PLPPR1: variants seen among roughly 807,000 people sequenced by gnomAD.
PLPPR1 encodes the protein phospholipid phosphatase-related protein type 1.
In PLPPR1, 10 loss-of-function variants were observed where a neutral mutation model predicts 33.1. That is an observed-to-expected ratio of 0.30 (90% confidence interval 0.19 to 0.51). The LOEUF is 0.51. Ranked by LOEUF, PLPPR1 falls within the 20% of genes least tolerant of loss-of-function variation. PLPPR1 has a pLI of 0.97. For missense variants in PLPPR1, 304 were observed against 408.1 expected (o/e 0.74, Z 2.20); for synonymous variants, 151 against 151.0 (o/e 1.00, Z 0.00).
intron 2 of PLPPR1, among the ~76,000 whole-genome samples, chr9:101,193,273 CCT>C (rs1037312483): frequency 7.2e-5 from 11 of 152,120 alleles, no homozygotes; most frequent in Admixed American, 4.6e-4. Context: ...TATCCCACCC[CCT>C]GTCTTTCTGT....
chr9:101,180,405 G>A (rs547508004), intron 1 of PLPPR1, among the ~76,000 whole-genome samples: 1 of 150,632 alleles, frequency 6.6e-6, no homozygotes, highest in African/African-American at 2.4e-5. Context: ...AATTTGTATG[G>A]AACCACAAAA....
chr9:101,128,139 G>C (rs907473374), intron 1 of PLPPR1, among the ~76,000 whole-genome samples: 1 of 152,106 alleles, frequency 6.6e-6, no homozygotes. Flanking sequence ...TTTTCTTGGG[G>C]AACATGGGCT....
At chr9:101,252,050 A>G (rs1296968121) in intron 2 of PLPPR1, among the ~76,000 whole-genome samples, 1 of 152,154 alleles carries the variant, frequency 6.6e-6, no homozygotes, top group Non-Finnish European at 1.5e-5. Flanking sequence ...TATTCTATAG[A>G]AAAGGTTTAA....
At chr9:101,182,849 C>T (rs1349305948) in intron 1 of PLPPR1, among the ~76,000 whole-genome samples, 1 of 151,588 alleles carries the variant, frequency 6.6e-6, no homozygotes, top group Non-Finnish European at 1.5e-5. Flanking sequence ...ATAGACACTT[C>T]ACAAAAGAAT....
chr9:101,223,165 A>AGG, intron 2 of PLPPR1, among the ~76,000 whole-genome samples: 1 of 107,974 alleles, frequency 9.3e-6, no homozygotes, highest in African/African-American at 3.8e-5. Flanking sequence ...AAAAAAAAAA[A>AGG]AAAAAAAGAA....
intron 1 of PLPPR1, among the ~76,000 whole-genome samples, chr9:101,046,840 T>G (rs1200151390): frequency 1.3e-5 from 2 of 152,216 alleles, no homozygotes; most frequent in Non-Finnish European, 2.9e-5. Flanking sequence ...TGTTATGAAT[T>G]TCATAAATCC....
chr9:101,050,495 T>G (rs553378976), intron 1 of PLPPR1, among the ~76,000 whole-genome samples: 1 of 152,322 alleles, frequency 6.6e-6, no homozygotes, highest in East Asian at 1.9e-4. Flanking sequence ...GAGGAAGATT[T>G]CCCAAATGAG....
intron 1 of PLPPR1, among the ~76,000 whole-genome samples, chr9:101,050,462 A>G (rs1830207953): frequency 6.6e-6 from 1 of 152,178 alleles, no homozygotes; most frequent in Non-Finnish European, 1.5e-5. Context: ...CTTGGGTCTT[A>G]TTTTTGATAT....
intron 1 of PLPPR1, among the ~76,000 whole-genome samples, chr9:101,180,784 T>A: frequency 6.6e-6 from 1 of 151,782 alleles, no homozygotes; most frequent in East Asian, 1.9e-4. Flanking sequence ...ACTGTAAAAC[T>A]ACAAGAAGAA....
chr9:101,292,628 C>T lies in PLPPR1; in HGVS notation c.385+6392C>T, dbSNP rs868126315. On this transcript the variant is annotated intron_variant, in intron 4 of 7. Transcript: ENST00000374874. ...CTCTGCAAGCCAGAAGAGAGTTGGG[C>T]GGGGCGGGGGGGGCCAATATTCAAC... Among the ~76,000 whole-genome samples the T allele has an allele frequency of 1.1e-3, 48 of 44,610 alleles. 1 individual carries two copies. The highest frequency in any genetic ancestry group is 3.4e-3 in the African/African-American group (39 of 11,506). 29.3% of individuals were successfully genotyped at this position (44,610 alleles called of 152,430 possible).
intron 2 of PLPPR1, among the ~76,000 whole-genome samples, chr9:101,256,978 G>A (rs1476765013): frequency 1.3e-5 from 2 of 151,874 alleles, no homozygotes; most frequent in East Asian, 3.9e-4. Context: ...TTCAGAAACT[G>A]TCTGCATTTC....
intron 2 of PLPPR1, among the ~76,000 whole-genome samples, chr9:101,213,629 C>A (rs57966478): frequency 0.036 from 5,513 of 152,184 alleles, 152 homozygotes; most frequent in South Asian, 0.11. Flanking sequence ...TATATCTTAG[C>A]ATTTTGTTTA....
intron 1 of PLPPR1, among the ~76,000 whole-genome samples, chr9:101,047,724 GAATTTATAATGCTCGTGT>G (rs1471047153): frequency 1.3e-5 from 2 of 152,120 alleles, no homozygotes; most frequent in African/African-American, 4.8e-5. Context: ...TTAAAAGTGT[GAATTTATAATGCTCGTGT>G]AATTTATAAT....
At chr9:101,071,860 C>T (rs753372169) in intron 1 of PLPPR1, among the ~76,000 whole-genome samples, 2 of 152,088 alleles carry the variant, frequency 1.3e-5, no homozygotes, top group African/African-American at 2.4e-5. Context: ...TAATGAGAGG[C>T]AAACTTGTAA....
In PLPPR1 at chr9:101,296,135, G is replaced by A. The variant is rs200625017; in HGVS notation, c.385+9899G>A. ...AAAACAACCCCATCAAAAAGTAGGC[G>A]AAGGACATGAACAGACACTTCTCAA... On this transcript the variant is annotated intron_variant, in intron 4 of 7. Coordinates refer to ENST00000374874, the MANE Select transcript of PLPPR1 (RefSeq NM_207299.2). Among the ~76,000 whole-genome samples, 26 of 152,146 alleles carry A rather than the reference G, an allele frequency of 1.7e-4. No individual in the cohort carries two copies. The East Asian group carries it at 2.5e-3, about 15-fold the overall frequency.
chr9:101,177,364 T>C (rs980667866), intron 1 of PLPPR1, among the ~76,000 whole-genome samples: 4 of 152,222 alleles, frequency 2.6e-5, no homozygotes, highest in Non-Finnish European at 4.4e-5. Context: ...TCTTTTTCAA[T>C]GCTATTGTGA....
chr9:101,294,801 T>C (rs1588115017), intron 4 of PLPPR1, among the ~76,000 whole-genome samples: 1 of 152,102 alleles, frequency 6.6e-6, no homozygotes, highest in Admixed American at 6.5e-5. Context: ...GGGACGTATC[T>C]CAAAATAATA....
chr9:101,155,802 G>C (rs1487964887), intron 1 of PLPPR1, among the ~76,000 whole-genome samples: 1 of 151,992 alleles, frequency 6.6e-6, no homozygotes, highest in African/African-American at 2.4e-5. Context: ...GTTTCTCCAT[G>C]TTGGTCAGTC....
At chr9:101,186,189 T>A (rs529125681) in intron 2 of PLPPR1, among the ~76,000 whole-genome samples, 1 of 151,874 alleles carries the variant, frequency 6.6e-6, no homozygotes, top group Non-Finnish European at 1.5e-5. Context: ...CTATGTTTGC[T>A]ATAGAGGAGA....
Sources: allele counts gnomAD v4.1 joint callset (sites outside exome capture counted in the v4.1 genomes callset), GRCh38; gene constraint gnomAD v4.1.1; transcripts MANE v1.5; gene names NCBI Gene and HGNC (gene_info 2026-07-23, HGNC 2026-07-21).